LAMA2: variants seen among roughly 807,000 people sequenced by gnomAD.
The protein encoded by LAMA2 is laminin subunit alpha-2.
Under a neutral mutation model 364.8 loss-of-function variants are expected in LAMA2, and 269 were observed. That is an observed-to-expected ratio of 0.74 (90% CI 0.67 to 0.82). The LOEUF (loss-of-function observed/expected upper bound fraction) is 0.82. Among genes scored for constraint, LAMA2 ranks in the 40% least tolerant of loss-of-function variants. LAMA2 has a pLI of 0.00. For missense variants in LAMA2, 3,807 were observed against 3,873.2 expected, an observed-to-expected ratio of 0.98 and a Z score of 0.45; for synonymous variants, 1,379 against 1,370.6, an observed-to-expected ratio of 1.01 and a Z score of -0.14.
At chr6:129,173,045 C>G (rs549812760) in intron 9 of LAMA2, among the ~76,000 whole-genome samples, 3 of 152,154 alleles carry the variant, frequency 2.0e-5, no homozygotes, top group Non-Finnish European at 4.4e-5. Context: ...GCAGGGTGCG[C>G]GCACCCACTG....
chr6:129,166,334 A>G (rs1250480447), intron 9 of LAMA2, among the ~76,000 whole-genome samples: 1 of 152,204 alleles, frequency 6.6e-6, no homozygotes, highest in Non-Finnish European at 1.5e-5. Flanking sequence ...AAGTTTAAGT[A>G]GGAAATTCAT....
chr6:128,956,811 AT>A (rs72081899), intron 1 of LAMA2, among the ~76,000 whole-genome samples: 8,500 of 147,948 alleles, frequency 0.057, 797 homozygotes, highest in African/African-American at 0.19. Flanking sequence ...CGAAGAAGGT[AT>A]TTTTTTTTTT....
intron 1 of LAMA2, among the ~76,000 whole-genome samples, chr6:128,972,089 G>T (rs1262059027): frequency 1.3e-5 from 2 of 152,196 alleles, no homozygotes; most frequent in Non-Finnish European, 2.9e-5. Context: ...TGTGAGAGGG[G>T]AGACCAGCCT....
rs993255245 is a variant in LAMA2 at position 129,349,487 on chromosome 6, C to G, written c.4523+103C>G. On this transcript the variant is annotated intron_variant, in intron 31 of 64. Transcript: ENST00000421865. ...ATTATTTGAAGAACTTCAATATTTG[C>G]ATATCCTTTAGAAGTTTAAATTACA... is the stretch of plus-strand genomic sequence containing the variant. 5 of 935,016 alleles carry G rather than the reference C, an allele frequency of 5.3e-6. No individual in the cohort carries two copies. In the Admixed American group the frequency reaches 8.9e-5, roughly 17 times the overall value. 57.9% of individuals were successfully genotyped at this position (935,016 alleles called of 1,614,324 possible). A position where few individuals can be genotyped will look rare whatever the true frequency, so the allele number is the denominator to read the frequency against.
chr6:129,186,137 T>C (rs963621384), intron 10 of LAMA2, among the ~76,000 whole-genome samples: 2 of 151,722 alleles, frequency 1.3e-5, no homozygotes, highest in Non-Finnish European at 3.0e-5. Context: ...TTGTTTAGAT[T>C]AACAGTTAAA....
intron 18 of LAMA2, 30 bp downstream of exon 18, chr6:129,280,177 T>C (rs1308167304): frequency 2.1e-6 from 3 of 1,397,162 alleles, no homozygotes; most frequent in Non-Finnish European, 3.1e-6. Context: ...TCTTGCAAAA[T>C]GATTTCTACC....
intron 1 of LAMA2, among the ~76,000 whole-genome samples, chr6:128,917,960 G>T (rs1778452065): frequency 6.6e-6 from 1 of 151,200 alleles, no homozygotes; most frequent in African/African-American, 2.4e-5. Flanking sequence ...GAACTCCTGG[G>T]CTCAAACAAT....
chr6:129,007,157 G>T (rs1364365677), intron 1 of LAMA2, among the ~76,000 whole-genome samples: 1 of 152,162 alleles, frequency 6.6e-6, no homozygotes, highest in Non-Finnish European at 1.5e-5. Flanking sequence ...GGGCCAAGGA[G>T]ACTTGTCTCT....
intron 12 of LAMA2, among the ~76,000 whole-genome samples, chr6:129,205,875 T>C (rs59259965): frequency 0.053 from 7,956 of 151,510 alleles, 631 homozygotes; most frequent in African/African-American, 0.17. Flanking sequence ...AATACAAAAA[T>C]TAGCGGGTGT....
chr6:129,478,431 C>G (rs1270561157), intron 53 of LAMA2, among the ~76,000 whole-genome samples: 1 of 152,080 alleles, frequency 6.6e-6, no homozygotes, highest in Non-Finnish European at 1.5e-5. Flanking sequence ...ATTCCTGTAC[C>G]TCATGTTTAA....
At chr6:129,462,205 G>C (rs1191695729) in intron 49 of LAMA2, among the ~76,000 whole-genome samples, 1 of 152,022 alleles carries the variant, frequency 6.6e-6, no homozygotes, top group African/African-American at 2.4e-5. Context: ...ATTCGGGTAA[G>C]ATGCAGTGGC....
chr6:129,465,353 C>A (rs1250791823), intron 51 of LAMA2, 64 bp downstream of exon 51: 8 of 1,317,788 alleles, frequency 6.1e-6, no homozygotes, highest in Non-Finnish European at 8.7e-6. Context: ...GCACATGTAC[C>A]TGATCAAGAG....
intron 40 of LAMA2, among the ~76,000 whole-genome samples, chr6:129,408,877 G>A (rs1780383466): frequency 6.6e-6 from 1 of 152,132 alleles, no homozygotes; most frequent in African/African-American, 2.4e-5. Flanking sequence ...CTATCCACTT[G>A]ATTATTAAAA....
At chr6:128,937,865 A>G (rs747588732) in intron 1 of LAMA2, among the ~76,000 whole-genome samples, 3 of 150,574 alleles carry the variant, frequency 2.0e-5, no homozygotes, top group Non-Finnish European at 3.0e-5. Context: ...TCCTTGAGGT[A>G]TAAAGTTAAG....
At chr6:129,304,789 C>T (rs994842372) in intron 22 of LAMA2, among the ~76,000 whole-genome samples, 3 of 152,156 alleles carry the variant, frequency 2.0e-5, no homozygotes, top group Non-Finnish European at 4.4e-5. Context: ...GGTATCGTTA[C>T]TGTTACTAGT....
chr6:129,110,177 T>G (rs1776066500), intron 4 of LAMA2, among the ~76,000 whole-genome samples: 1 of 152,028 alleles, frequency 6.6e-6, no homozygotes, highest in Non-Finnish European at 1.5e-5. Context: ...AACTGAAAAT[T>G]ATAAACTGTT....
chr6:129,400,977 G>T (rs1030840181), intron 37 of LAMA2, among the ~76,000 whole-genome samples: 8 of 152,070 alleles, frequency 5.3e-5, no homozygotes, highest in African/African-American at 1.9e-4. Context: ...AACTAGTATC[G>T]CATAACTTTT....
intron 28 of LAMA2, among the ~76,000 whole-genome samples, chr6:129,321,298 G>A (rs562298015): frequency 3.3e-5 from 5 of 152,278 alleles, no homozygotes; most frequent in South Asian, 2.1e-4. Flanking sequence ...TAAGGGAGGT[G>A]GAATGAATAG....
chr6:129,396,957 CAGTGAGACAATGAGACAGTG>C (rs1779675799), intron 37 of LAMA2, among the ~76,000 whole-genome samples: 1 of 13,610 alleles, frequency 7.3e-5, no homozygotes, highest in East Asian at 6.6e-4. Flanking sequence ...GCCTGGATGA[CAGTGAGACAATGAGACAGTG>C]AGACAGTGTC....
Sources: gnomAD v4.1 joint callset for allele counts (sites outside exome capture counted in the v4.1 genomes callset) on GRCh38, gnomAD v4.1.1 for gene constraint, MANE v1.5 for transcripts, NCBI Gene and HGNC (gene_info 2026-07-23, HGNC 2026-07-21) for gene names.